The following GLCCI1 variants were observed in gnomAD, a reference collection of about 807,000 sequenced individuals.
GLCCI1 encodes the protein glucocorticoid induced 1.
A neutral mutation model predicts 52.2 loss-of-function variants in GLCCI1; 24 were observed. The ratio of observed to expected loss-of-function variants is 0.46; its 90% CI spans 0.33 to 0.65. GLCCI1 has a LOEUF of 0.65. Ranked by LOEUF, GLCCI1 falls within the 30% of genes least tolerant of loss-of-function variation. The probability of loss-of-function intolerance (pLI) is 0.02; values close to 1 mark genes in which losing one functional copy is unlikely to be tolerated. For missense variants in GLCCI1, 704 were observed against 701.5 expected (o/e 1.00, Z -0.04); for synonymous variants, 310 against 276.5 (o/e 1.12, Z -1.20).
chr7:8,022,584 T>C lies in GLCCI1; in HGVS notation c.696+15T>C. ...AACTAAAAGAGGTAAGTTATTTCTGTTTTCCGTCTGTAACCTGTTTTGGTC... is the reference window on the plus strand; with the variant it reads ...AACTAAAAGAGGTAAGTTATTTCTGCTTTCCGTCTGTAACCTGTTTTGGTC... On this transcript the variant is annotated intron_variant, in intron 3 of 7. Coordinates refer to ENST00000223145, the MANE Select transcript of GLCCI1 (RefSeq NM_138426.4). 6.5e-7 allele frequency: 1 copy of C among 1,528,300 alleles called. No homozygotes were observed. The highest frequency in any genetic ancestry group is 1.3e-5 in the South Asian group (1 of 79,430). 94.7% of individuals were successfully genotyped at this position (1,528,300 alleles called of 1,614,324 possible).
chr7:8,033,139 A>G (rs923867347), intron 3 of GLCCI1, among the ~76,000 whole-genome samples: 1 of 152,040 alleles, frequency 6.6e-6, no homozygotes, highest in African/African-American at 2.4e-5. Context: ...TTAATAGAAT[A>G]AAGGACATAA....
At position 8,055,545 on chromosome 7, in the gene GLCCI1, C is replaced by G. The variant is rs746108839; in HGVS notation, c.809C>G (p.Thr270Ser). Residue 270 changes from threonine (T) to serine (S), a missense_variant, in exon 4 of 8, where the codon ACT becomes AGT. By Grantham distance (58) the Thr-to-Ser change is moderately conservative. This residue lies in a region of GLCCI1 where 547 missense variants were observed against 524.8 expected (regional missense o/e 1.04). Coordinates refer to ENST00000223145, the MANE Select transcript of GLCCI1 (RefSeq NM_138426.4). ...GGCAACCATATAACAATCAGTCACACTCAGGTAGGCTAACTTCTTGTCCAG... is the reference window on the plus strand; with the variant it reads ...GGCAACCATATAACAATCAGTCACAGTCAGGTAGGCTAACTTCTTGTCCAG... ...LHGNHITISHTQATGSRSVPM... is the reference protein window; with the variant it reads ...LHGNHITISHSQATGSRSVPM... The G allele has an allele frequency of 4.5e-6, 7 of 1,554,326 alleles. No individual in the cohort carries two copies. The African/African-American group carries it at 9.5e-5, about 21-fold the overall frequency.
chr7:8,079,704 AATT>A (rs1480802210), intron 6 of GLCCI1, among the ~76,000 whole-genome samples: 1 of 151,518 alleles, frequency 6.6e-6, no homozygotes, highest in East Asian at 1.9e-4. Flanking sequence ...AGTTGGCATC[AATT>A]TAATTCATAC....
intron 1 of GLCCI1, among the ~76,000 whole-genome samples, chr7:7,978,469 G>T (rs971221457): frequency 1.3e-5 from 2 of 152,022 alleles, no homozygotes; most frequent in African/African-American, 2.4e-5. Flanking sequence ...TAGGTTTGTT[G>T]ATGTAATATA....
At chr7:8,062,034 A>G (rs6463754) in intron 5 of GLCCI1, among the ~76,000 whole-genome samples, 111,454 of 151,980 alleles carry the variant, frequency 0.73, 41,187 homozygotes, top group African/African-American at 0.83. Context: ...TAAACTTTGG[A>G]TCTAATTTTT....
chr7:7,975,922 C>G (rs766062507), intron 1 of GLCCI1, among the ~76,000 whole-genome samples: 1 of 152,098 alleles, frequency 6.6e-6, no homozygotes, highest in Non-Finnish European at 1.5e-5. Flanking sequence ...AATATAAGTG[C>G]TTTTCTCCCC....
chr7:8,040,777 G>C (rs969844340), intron 3 of GLCCI1, among the ~76,000 whole-genome samples: 1 of 152,136 alleles, frequency 6.6e-6, no homozygotes, highest in Non-Finnish European at 1.5e-5. Flanking sequence ...TCTACATTGA[G>C]ACTTATACAC....
chr7:8,058,315 A>G (rs1782443101), intron 4 of GLCCI1, among the ~76,000 whole-genome samples: 1 of 152,322 alleles, frequency 6.6e-6, no homozygotes. Flanking sequence ...GTATTTTTCA[A>G]ATAGCAATTT....
chr7:7,979,197 A>G (rs1780556049), intron 1 of GLCCI1, among the ~76,000 whole-genome samples: 1 of 152,206 alleles, frequency 6.6e-6, no homozygotes, highest in South Asian at 2.1e-4. Context: ...GTATTCTGCA[A>G]TATTTCGATC....
At chr7:8,036,699 CT>C (rs1240554253) in intron 3 of GLCCI1, among the ~76,000 whole-genome samples, 6 of 152,062 alleles carry the variant, frequency 3.9e-5, no homozygotes, top group Non-Finnish European at 8.8e-5. Flanking sequence ...TTAGGAGATA[CT>C]TTTTTAAATC....
At chr7:7,983,213 A>G (rs1780658368) in intron 1 of GLCCI1, among the ~76,000 whole-genome samples, 1 of 113,424 alleles carries the variant, frequency 8.8e-6, no homozygotes, top group South Asian at 2.6e-4. Flanking sequence ...GACTATAACC[A>G]TGTAAGAAAC....
intron 1 of GLCCI1, chr7:7,981,258 C>CTTTCTTTCTT (rs1332928726): frequency 2.4e-5 from 6 of 246,520 alleles, no homozygotes; most frequent in African/African-American, 9.8e-5. Context: ...TTCTTTCTTT[C>CTTTCTTTCTT]TCTTTTTTTC....
intron 3 of GLCCI1, among the ~76,000 whole-genome samples, chr7:8,050,746 A>C (rs571668420): frequency 1.3e-5 from 2 of 152,318 alleles, no homozygotes; most frequent in Admixed American, 1.3e-4. Flanking sequence ...GTCAGTATAG[A>C]ATGGTGATGA....
chr7:7,989,191 G>T (rs757820237), intron 1 of GLCCI1, among the ~76,000 whole-genome samples: 1 of 152,142 alleles, frequency 6.6e-6, no homozygotes, highest in South Asian at 2.1e-4. Flanking sequence ...AATTGTAGCG[G>T]CTAGCATTAC....
intron 1 of GLCCI1, chr7:7,981,944 A>T: frequency 2.3e-6 from 1 of 442,744 alleles, no homozygotes; most frequent in East Asian, 6.9e-5. Context: ...AAGTAAAAGA[A>T]GATGAAGACT....
Position 8,070,872 on chromosome 7 carries a change from A to G in GLCCI1, c.967-49A>G, listed in dbSNP as rs781618597. On this transcript the variant is annotated intron_variant, in intron 5 of 7. Coordinates refer to ENST00000223145, the MANE Select transcript of GLCCI1 (RefSeq NM_138426.4). ...GAAATACTATGTGCTTTCTATGTAG[A>G]TGAATATATGCACCAGCATTTGGAT... The G allele has an allele frequency of 4.7e-6, 7 of 1,491,782 alleles. No homozygotes were observed. In the East Asian group the frequency reaches 1.4e-4, roughly 29 times the overall value. 92.4% of individuals were successfully genotyped at this position (1,491,782 alleles called of 1,614,324 possible).
At chr7:8,044,089 C>T (rs1403527849) in intron 3 of GLCCI1, among the ~76,000 whole-genome samples, 2 of 151,874 alleles carry the variant, frequency 1.3e-5, no homozygotes, top group African/African-American at 4.8e-5. Flanking sequence ...GGACTACAGG[C>T]GCCTGCCACC....
chr7:7,987,071 C>T (rs1301941349), intron 1 of GLCCI1, among the ~76,000 whole-genome samples: 1 of 152,038 alleles, frequency 6.6e-6, no homozygotes, highest in African/African-American at 2.4e-5. Context: ...TACAGTCTTT[C>T]TTTAAAAACA....
In GLCCI1 at chr7:8,034,017, CATTAATATAG is replaced by C. The variant is rs1332510563; in HGVS notation, c.696+11449_696+11458del. Among the ~76,000 whole-genome samples, 14 of 152,088 alleles carry C rather than the reference CATTAATATAG, an allele frequency of 9.2e-5. No homozygotes were observed. The East Asian group carries it at 1.9e-3, about 21-fold the overall frequency. On this transcript the variant is annotated intron_variant, in intron 3 of 7. Coordinates refer to ENST00000223145, the MANE Select transcript of GLCCI1 (RefSeq NM_138426.4). ...TATTTCAATGTTTCCTGTGAACCTA[CATTAATATAG>C]TTAGTATAGTATTGGCACACATAAA...
Sources: gnomAD v4.1 joint callset for allele counts (sites outside exome capture counted in the v4.1 genomes callset) on GRCh38, gnomAD v4.1.1 for gene constraint, gnomAD v4.1.1 regional missense constraint, MANE v1.5 for transcripts, NCBI Gene and HGNC (gene_info 2026-07-23, HGNC 2026-07-21) for gene names.